Variants in AK5 observed in about 807,000 individuals in gnomAD.
The protein encoded by AK5 is adenylate kinase 5, also known as adenylate kinase isoenzyme 5.
Under a neutral mutation model 69.5 loss-of-function variants are expected in AK5, and 27 were observed. The observed-to-expected ratio is 0.39, with a 90% CI of 0.29 to 0.54. The LOEUF (loss-of-function observed/expected upper bound fraction) is 0.54, where lower values mean the gene tolerates loss of function less well. Ranked by LOEUF, AK5 falls within the 20% of genes least tolerant of loss-of-function variation. The pLI is 0.71. For synonymous variants in AK5, 260 were observed against 244.4 expected (o/e 1.06, Z -0.60); for missense variants, 531 against 700.4 (o/e 0.76, Z 2.73).
chr1:77,468,153 T>C (rs1654257722), intron 8 of AK5, among the ~76,000 whole-genome samples: 1 of 152,246 alleles, frequency 6.6e-6, no homozygotes, highest in African/African-American at 2.4e-5. Context: ...GGAGATGTGG[T>C]TGCAGTGTCT....
At chr1:77,328,829 T>C (rs938276967) in intron 5 of AK5, among the ~76,000 whole-genome samples, 36 of 152,222 alleles carry the variant, frequency 2.4e-4, no homozygotes, top group African/African-American at 7.5e-4. Context: ...TAGTTCCTTT[T>C]ATGCTGTTAT....
At chr1:77,454,841 G>C (rs1204345611) in intron 8 of AK5, among the ~76,000 whole-genome samples, 2 of 151,826 alleles carry the variant, frequency 1.3e-5, no homozygotes, top group African/African-American at 4.8e-5. Context: ...TTCTTTTGTG[G>C]AGTTTAGTTC....
chr1:77,300,374 C>T (rs1166207186), intron 5 of AK5, among the ~76,000 whole-genome samples: 2 of 152,212 alleles, frequency 1.3e-5, no homozygotes, highest in Admixed American at 6.5e-5. Context: ...CTTAGGTTGA[C>T]ATTCCAGCAG....
At chr1:77,288,300 G>A (rs1557464357) in intron 2 of AK5, among the ~76,000 whole-genome samples, 2 of 152,150 alleles carry the variant, frequency 1.3e-5, no homozygotes, top group Non-Finnish European at 2.9e-5. Context: ...ATAATAGTAT[G>A]TGCAAATTAG....
intron 6 of AK5, among the ~76,000 whole-genome samples, chr1:77,378,281 T>C (rs1647372849): frequency 6.6e-6 from 1 of 152,246 alleles, no homozygotes; most frequent in South Asian, 2.1e-4. Flanking sequence ...TGCAATGTGA[T>C]GACTTACATT....
chr1:77,471,208 G>A (rs1654490506), intron 8 of AK5, among the ~76,000 whole-genome samples: 1 of 151,838 alleles, frequency 6.6e-6, no homozygotes, highest in African/African-American at 2.4e-5. Flanking sequence ...TAAAGCTGGT[G>A]CCCAGGTTTT....
At chr1:77,370,730 A>G (rs1647105034) in intron 6 of AK5, among the ~76,000 whole-genome samples, 1 of 152,060 alleles carries the variant, frequency 6.6e-6, no homozygotes, top group Non-Finnish European at 1.5e-5. Flanking sequence ...TGTGGGTAAA[A>G]AGTGAGTGCC....
intron 10 of AK5, among the ~76,000 whole-genome samples, chr1:77,501,004 A>G (rs1656686486): frequency 6.6e-6 from 1 of 152,216 alleles, no homozygotes; most frequent in South Asian, 2.1e-4. Context: ...CATTCGGTGA[A>G]GGTTACCAGG....
At chr1:77,483,976 A>G (rs574284683) in intron 9 of AK5, among the ~76,000 whole-genome samples, 1 of 152,288 alleles carries the variant, frequency 6.6e-6, no homozygotes, top group East Asian at 1.9e-4. Context: ...ACCCTGGCCA[A>G]TATGGTGAAA....
chr1:77,381,265 A>G (rs571618063), intron 6 of AK5, among the ~76,000 whole-genome samples: 2 of 152,236 alleles, frequency 1.3e-5, no homozygotes, highest in South Asian at 2.1e-4. Flanking sequence ...ATGTTTATGA[A>G]CTGGAAAGAG....
chr1:77,351,927 C>CTTTTTTTTTTTT (rs10658959), intron 6 of AK5, among the ~76,000 whole-genome samples: 2 of 138,170 alleles, frequency 1.4e-5, no homozygotes, highest in Non-Finnish European at 1.5e-5. Context: ...GCAAGTAATT[C>CTTTTTTTTTTTT]TTTTTTTTTT....
chr1:77,557,345 C>A, intron 13 of AK5: 1 of 208,998 alleles, frequency 4.8e-6, no homozygotes. Context: ...TGCCTCATAA[C>A]CAACTTTACC....
Position 77,558,723 on chromosome 1 carries a change from A to G in AK5, c.*53A>G. The stretch of plus-strand genomic sequence containing the variant: ...GAAACAGAAAAACATTAAAAAGTTC[A>G]TTCCTTAACACAATGTTTCAAGTTA... On this transcript the variant is annotated 3_prime_UTR_variant, in exon 14 of 14. Coordinates refer to ENST00000354567, the MANE Select transcript of AK5 (RefSeq NM_174858.3). 1 of 1,248,052 alleles carries G rather than the reference A, an allele frequency of 8.0e-7. No individual in the cohort carries two copies. Among genetic ancestry groups the G allele is most frequent in the Non-Finnish European group, 1.2e-6 (1 of 850,092 alleles). The allele number at this position is 1,248,052 out of a possible 1,614,324, so 77.3% of individuals were successfully genotyped here. A position where few individuals can be genotyped will look rare whatever the true frequency, so the allele number is the denominator to read the frequency against.
At chr1:77,302,072 A>C (rs1215713927) in intron 5 of AK5, among the ~76,000 whole-genome samples, 1 of 152,000 alleles carries the variant, frequency 6.6e-6, no homozygotes, top group Non-Finnish European at 1.5e-5. Flanking sequence ...AGTTTTTTAA[A>C]AACTTTTTGT....
intron 8 of AK5, among the ~76,000 whole-genome samples, chr1:77,461,122 C>T (rs1653809745): frequency 6.6e-6 from 1 of 151,168 alleles, no homozygotes; most frequent in Admixed American, 6.6e-5. Context: ...CAAGCTCTGC[C>T]TCCTGGGTTC....
intron 5 of AK5, among the ~76,000 whole-genome samples, chr1:77,317,448 T>TA (rs1660303047): frequency 6.6e-6 from 1 of 151,972 alleles, no homozygotes; most frequent in South Asian, 2.1e-4. Context: ...AGGAAGAGTG[T>TA]AAAAAAACAC....
intron 1 of AK5, chr1:77,283,565 C>A: frequency 1.0e-6 from 1 of 985,386 alleles, no homozygotes; most frequent in Non-Finnish European, 1.2e-6. Flanking sequence ...TTTTCTCTCA[C>A]CTCTATAAGC....
At chr1:77,335,189 A>G (rs1489119312) in intron 5 of AK5, among the ~76,000 whole-genome samples, 1 of 152,202 alleles carries the variant, frequency 6.6e-6, no homozygotes. Context: ...CTTTGCTTAT[A>G]CAAAGGCAGT....
At chr1:77,431,496 T>C (rs1456654399) in intron 8 of AK5, among the ~76,000 whole-genome samples, 2 of 152,130 alleles carry the variant, frequency 1.3e-5, no homozygotes, top group African/African-American at 4.8e-5. Flanking sequence ...AGCAAAGCAT[T>C]GGCAGAGTAT....
Sources: allele counts gnomAD v4.1 joint callset (sites outside exome capture counted in the v4.1 genomes callset), GRCh38; gene constraint gnomAD v4.1.1; transcripts MANE v1.5; gene names NCBI Gene and HGNC (gene_info 2026-07-23, HGNC 2026-07-21).